The following FILIP1L variants were observed in gnomAD, a reference collection of about 807,000 sequenced individuals.
FILIP1L encodes the protein filamin A-interacting protein 1-like.
FILIP1L carries 55 observed loss-of-function variants against 96.6 expected under a neutral mutation model. The observed-to-expected ratio is 0.57, with a 90% CI of 0.46 to 0.71. The LOEUF is 0.71. FILIP1L is among the 30% of genes least tolerant of loss of function. The pLI is 0.00. For synonymous variants in FILIP1L, 467 were observed against 473.9 expected (o/e 0.99, Z 0.19); for missense variants, 1,304 against 1,321.2 (o/e 0.99, Z 0.20).
chr3:99,972,498 A>G (rs1330654886), intron 1 of FILIP1L, among the ~76,000 whole-genome samples: 1 of 152,218 alleles, frequency 6.6e-6, no homozygotes, highest in African/African-American at 2.4e-5. Flanking sequence ...TATTATAATA[A>G]TAACAGATTG....
In FILIP1L at chr3:99,850,912, A is replaced by G; in HGVS notation, c.764T>C (p.Leu255Pro). The G allele has an allele frequency of 6.2e-7, 1 of 1,614,140 alleles. No individual in the cohort carries two copies. The highest frequency in any genetic ancestry group is 8.5e-7 in the Non-Finnish European group (1 of 1,180,016). ...EQQRLTAQLT[L>P]QRQKIQELTT... ...CAGCTCTTGGATTTTCTGTCTTTGA[A>G]GGGTGAGCTGTGCCGTCAGCCTTTG... The change falls in exon 5 of 6, where the codon CTT becomes CCT. Residue 255 changes from leucine (L) to proline (P), a missense_variant. Coordinates refer to ENST00000477258, the MANE Select transcript of FILIP1L (RefSeq NM_001387850.1).
At chr3:100,107,547 A>G (rs972415183) in intron 1 of FILIP1L, among the ~76,000 whole-genome samples, 2 of 152,146 alleles carry the variant, frequency 1.3e-5, no homozygotes, top group Non-Finnish European at 2.9e-5. Context: ...CCTAACCACT[A>G]AACGATAGGC....
chr3:99,924,134 G>T, intron 4 of FILIP1L, 96 bp downstream of exon 4: 2 of 1,010,300 alleles, frequency 2.0e-6, no homozygotes, highest in Non-Finnish European at 3.0e-6. Context: ...TGAGAACAGA[G>T]ACTGTGTCAT....
intron 1 of FILIP1L, among the ~76,000 whole-genome samples, chr3:99,963,000 T>A (rs573002088): frequency 6.6e-5 from 10 of 152,338 alleles, no homozygotes; most frequent in Non-Finnish European, 1.3e-4. Flanking sequence ...ATTGCTCTCT[T>A]GATGGATTTT....
At chr3:99,973,391 G>A (rs1708878578) in intron 1 of FILIP1L, among the ~76,000 whole-genome samples, 1 of 152,172 alleles carries the variant, frequency 6.6e-6, no homozygotes, top group Non-Finnish European at 1.5e-5. Context: ...CTTGTCTCAT[G>A]ATCATTAATT....
chr3:99,980,846 A>G (rs1030544602), intron 1 of FILIP1L, among the ~76,000 whole-genome samples: 2 of 152,174 alleles, frequency 1.3e-5, no homozygotes, highest in African/African-American at 4.8e-5. Flanking sequence ...AGAACAGGAC[A>G]AGGAGCCTTC....
chr3:99,983,462 GTGTATATATATA>G (rs1353007515), intron 1 of FILIP1L, among the ~76,000 whole-genome samples: 10 of 11,986 alleles, frequency 8.3e-4, no homozygotes, highest in South Asian at 2.9e-3. Context: ...ATATATATGT[GTGTATATATATA>G]TATATATATA....
intron 4 of FILIP1L, among the ~76,000 whole-genome samples, chr3:99,907,762 CTA>C (rs1194145416): frequency 2.6e-5 from 4 of 152,060 alleles, no homozygotes; most frequent in Non-Finnish European, 4.4e-5. Context: ...CTTGTCTGAA[CTA>C]TGTCTGTCTT....
At chr3:99,882,560 ATCT>A (rs1218325910) in intron 4 of FILIP1L, among the ~76,000 whole-genome samples, 2 of 152,208 alleles carry the variant, frequency 1.3e-5, no homozygotes, top group Admixed American at 6.5e-5. Context: ...AAAACATCTG[ATCT>A]TCTTATTGCC....
chr3:100,038,483 CA>C (rs2065147888), intron 1 of FILIP1L, among the ~76,000 whole-genome samples: 3 of 152,156 alleles, frequency 2.0e-5, no homozygotes, highest in Admixed American at 1.3e-4. Context: ...CAATACTACT[CA>C]GTCAGTTGTA....
At chr3:99,839,464 C>G (rs900019809) in intron 5 of FILIP1L, among the ~76,000 whole-genome samples, 1 of 152,180 alleles carries the variant, frequency 6.6e-6, no homozygotes, top group Non-Finnish European at 1.5e-5. Context: ...CAGGGAATTG[C>G]AGCTTCTCAG....
chr3:99,968,645 A>G (rs1708725818), intron 1 of FILIP1L, among the ~76,000 whole-genome samples: 1 of 152,224 alleles, frequency 6.6e-6, no homozygotes, highest in Admixed American at 6.5e-5. Context: ...AGCCTTGAGT[A>G]ATACAGACAT....
chr3:100,070,822 G>A (rs943609420), intron 1 of FILIP1L, among the ~76,000 whole-genome samples: 5 of 152,046 alleles, frequency 3.3e-5, no homozygotes, highest in African/African-American at 1.2e-4. Flanking sequence ...GTAGAGACCG[G>A]GTCTCACCAT....
In FILIP1L at chr3:99,870,868, C is replaced by T. The variant is rs533796886; in HGVS notation, c.606-19798G>A. Among the ~76,000 whole-genome samples, 6 of 152,168 alleles carry T rather than the reference C, an allele frequency of 3.9e-5. No individual in the cohort carries two copies. The East Asian group carries it at 1.2e-3, about 29-fold the overall frequency. ...GTGCCCCGTAAGTGCATCTTCCAGG[C>T]CTTCACCTGAGGCACAGAGATTAGA... is the stretch of plus-strand genomic sequence containing the variant. On this transcript the variant is annotated intron_variant, in intron 4 of 5. Coordinates refer to ENST00000477258, the MANE Select transcript of FILIP1L (RefSeq NM_001387850.1).
At chr3:100,037,622 G>A (rs1251942724) in intron 1 of FILIP1L, among the ~76,000 whole-genome samples, 2 of 152,168 alleles carry the variant, frequency 1.3e-5, no homozygotes, top group African/African-American at 2.4e-5. Flanking sequence ...ATCATAAAAT[G>A]TATAAATAAC....
chr3:100,081,169 A>G (rs1301373096), intron 1 of FILIP1L, among the ~76,000 whole-genome samples: 3 of 152,178 alleles, frequency 2.0e-5, no homozygotes, highest in African/African-American at 2.4e-5. Context: ...TCCATGGTTC[A>G]TAATCCTCTC....
chr3:99,998,741 T>C (rs563275436), intron 1 of FILIP1L, among the ~76,000 whole-genome samples: 66 of 152,286 alleles, frequency 4.3e-4, no homozygotes, highest in African/African-American at 1.5e-3. Flanking sequence ...TTTTTTGTTT[T>C]TGTATTTTTA....
chr3:99,929,452 T>A (rs1707401996), intron 3 of FILIP1L, among the ~76,000 whole-genome samples: 1 of 152,216 alleles, frequency 6.6e-6, no homozygotes, highest in Admixed American at 6.5e-5. Flanking sequence ...TTCCAAAAAT[T>A]AACCTCTATG....
Position 100,091,273 on chromosome 3 carries a change from A to G in FILIP1L, c.-11+22780T>C, listed in dbSNP as rs1398686753. On this transcript the variant is annotated intron_variant, in intron 1 of 5. Transcript: ENST00000477258. ...GCACTCCAGACTAGGCGACAGAGCG[A>G]GACTCCGTCTCAAAAAAAAAAAAAA... Among the ~76,000 whole-genome samples, 49 of 148,228 alleles carry G rather than the reference A, an allele frequency of 3.3e-4. 1 individual carries two copies. The highest frequency in any genetic ancestry group is 1.2e-3 in the Admixed American group (18 of 14,834).
Sources: allele counts gnomAD v4.1 joint callset (sites outside exome capture counted in the v4.1 genomes callset), GRCh38; gene constraint gnomAD v4.1.1; transcripts MANE v1.5; gene names NCBI Gene and HGNC (gene_info 2026-07-23, HGNC 2026-07-21).